Variants in PARD3 observed in about 807,000 individuals in gnomAD.
PARD3 encodes par-3 family cell polarity regulator, also known as partitioning defective 3 homolog.
In PARD3, 75 loss-of-function variants were observed where a neutral mutation model predicts 155.4. The observed-to-expected ratio is 0.48, with a 90% CI of 0.40 to 0.58. The LOEUF (loss-of-function observed/expected upper bound fraction) is 0.58, where lower values mean the gene tolerates loss of function less well. Ranked by LOEUF, PARD3 falls within the 20% of genes least tolerant of loss-of-function variation. The pLI is 0.00. For missense variants in PARD3, 1,642 were observed against 1,721.7 expected, an observed-to-expected ratio of 0.95 and a Z score of 0.82; for synonymous variants, 576 against 610.5, an observed-to-expected ratio of 0.94 and a Z score of 0.83.
intron 3 of PARD3, among the ~76,000 whole-genome samples, chr10:34,471,051 T>C (rs1168407502): frequency 6.6e-6 from 1 of 152,212 alleles, no homozygotes; most frequent in Non-Finnish European, 1.5e-5. Flanking sequence ...GCTGCTCTAC[T>C]GAAAAATTTT....
At chr10:34,413,572 T>C (rs895346887) in intron 5 of PARD3, among the ~76,000 whole-genome samples, 10 of 152,140 alleles carry the variant, frequency 6.6e-5, no homozygotes, top group Non-Finnish European at 1.5e-4. Context: ...TTATCCAGAT[T>C]CTTCTTTATC....
intron 3 of PARD3, among the ~76,000 whole-genome samples, chr10:34,471,971 C>T (rs972948019): frequency 1.3e-5 from 2 of 152,154 alleles, no homozygotes; most frequent in African/African-American, 4.8e-5. Flanking sequence ...CTTGAGGATA[C>T]CAAACAGGCT....
rs1191230978 is a variant in PARD3, at chr10:34,374,811, A to G, written c.1668+63T>C. The G allele has an allele frequency of 2.6e-6, 4 of 1,523,962 alleles. No individual in the cohort carries two copies. The Admixed American group carries it at 5.9e-5, about 23-fold the overall frequency. 94.4% of individuals were successfully genotyped at this position (1,523,962 alleles called of 1,614,324 possible). A position where few individuals can be genotyped will look rare whatever the true frequency, so the allele number is the denominator to read the frequency against. On this transcript the variant is annotated intron_variant, in intron 11 of 24. Coordinates refer to ENST00000374788, the MANE Select transcript of PARD3 (RefSeq NM_001184785.2). ...TCTCAATAAACATTTGCCATCAGGC[A>G]ACTAACCCAGACCCCTGGCTGCTGC...
In PARD3 at chr10:34,308,861, T is replaced by G. The variant is rs567477984; in HGVS notation, c.3065+8246A>C. Among the ~76,000 whole-genome samples the G allele has an allele frequency of 2.2e-4, 33 of 152,154 alleles. No individual in the cohort carries two copies. In the South Asian group the frequency reaches 6.4e-3, roughly 30 times the overall value. On this transcript the variant is annotated intron_variant, in intron 20 of 24. Transcript: ENST00000374788. ...GACTGAGCACCTGGGGCACAAGACC[T>G]GGAGGACAGAGTATGGCACAGAATT...
At chr10:34,640,911 A>G (rs2092659162) in intron 2 of PARD3, among the ~76,000 whole-genome samples, 1 of 152,002 alleles carries the variant, frequency 6.6e-6, no homozygotes, top group Admixed American at 6.6e-5. Flanking sequence ...AATGTGATAT[A>G]TTAATAAACA....
At chr10:34,647,182 C>T (rs986018224) in intron 2 of PARD3, among the ~76,000 whole-genome samples, 6 of 152,200 alleles carry the variant, frequency 3.9e-5, no homozygotes, top group African/African-American at 1.4e-4. Context: ...CATTATTCAT[C>T]CCTTCCTGTG....
intron 2 of PARD3, among the ~76,000 whole-genome samples, chr10:34,627,309 T>C (rs1208007457): frequency 2.6e-5 from 4 of 152,220 alleles, no homozygotes; most frequent in Middle Eastern, 3.2e-3. Context: ...ATTACAGGCA[T>C]GAGCCACCGT....
At chr10:34,807,641 C>T (rs569454545) in intron 1 of PARD3, among the ~76,000 whole-genome samples, 2 of 152,042 alleles carry the variant, frequency 1.3e-5, no homozygotes, top group East Asian at 3.9e-4. Context: ...CACTGATGTA[C>T]AGGTTTTGTG....
At chr10:34,134,304 C>A (rs1947772774) in intron 22 of PARD3, among the ~76,000 whole-genome samples, 1 of 152,152 alleles carries the variant, frequency 6.6e-6, no homozygotes, top group Non-Finnish European at 1.5e-5. Flanking sequence ...TCCTGGCATA[C>A]TTTATAGCTT....
At chr10:34,533,801 A>G (rs1309776368) in intron 2 of PARD3, among the ~76,000 whole-genome samples, 1 of 151,566 alleles carries the variant, frequency 6.6e-6, no homozygotes, top group African/African-American at 2.4e-5. Flanking sequence ...GCAAGACTCC[A>G]TCTAAAAAAA....
intron 22 of PARD3, among the ~76,000 whole-genome samples, chr10:34,236,705 C>G (rs759275585): frequency 7.2e-5 from 11 of 152,016 alleles, no homozygotes; most frequent in Non-Finnish European, 1.2e-4. Flanking sequence ...TCTCTTAAAC[C>G]AATGTGAAAT....
chr10:34,241,268 G>C (rs1450344202), intron 22 of PARD3, among the ~76,000 whole-genome samples: 1 of 152,194 alleles, frequency 6.6e-6, no homozygotes, highest in Non-Finnish European at 1.5e-5. Context: ...TCAAGATCCA[G>C]AGCAGGACAC....
At chr10:34,540,593 T>G (rs191673410) in intron 2 of PARD3, among the ~76,000 whole-genome samples, 9 of 152,024 alleles carry the variant, frequency 5.9e-5, no homozygotes, top group Non-Finnish European at 8.8e-5. Context: ...CAAGATACTG[T>G]CTCTACAAAA....
intron 2 of PARD3, among the ~76,000 whole-genome samples, chr10:34,689,827 T>C (rs1320598328): frequency 6.6e-6 from 1 of 152,202 alleles, no homozygotes; most frequent in Non-Finnish European, 1.5e-5. Context: ...AATCTAACAG[T>C]TAATTGTGTC....
In PARD3 at chr10:34,489,438, G is replaced by C. The variant is rs192767276; in HGVS notation, c.404-19175C>G. 1.3e-3 allele frequency among the ~76,000 whole-genome samples: 203 copies of C among 152,336 alleles called. 2 individuals carry two copies. The highest frequency in any genetic ancestry group is 4.0e-4 in the Non-Finnish European group (27 of 68,018). ...GCTTTATTTTCTACAGGGGGAGTAT[G>C]ACGGAAGCACTTTAAAAACATTCAA... On this transcript the variant is annotated intron_variant, in intron 3 of 24. Transcript: ENST00000374788.
intron 1 of PARD3, among the ~76,000 whole-genome samples, chr10:34,745,834 C>T (rs980572650): frequency 2.0e-5 from 3 of 152,178 alleles, no homozygotes; most frequent in African/African-American, 7.2e-5. Flanking sequence ...GGCGCGGTGG[C>T]TCACGCCTGT....
intron 2 of PARD3, among the ~76,000 whole-genome samples, chr10:34,624,326 C>G (rs1036936646): frequency 6.6e-6 from 1 of 152,144 alleles, no homozygotes. Context: ...CCTCATCCCA[C>G]AGCTGTGAGG....
At chr10:34,237,097 T>G (rs1953284016) in intron 22 of PARD3, among the ~76,000 whole-genome samples, 1 of 152,094 alleles carries the variant, frequency 6.6e-6, no homozygotes, top group African/African-American at 2.4e-5. Flanking sequence ...CATTGCTGGG[T>G]TGTGAGAATG....
At chr10:34,735,881 G>GT (rs1723968822) in intron 1 of PARD3, among the ~76,000 whole-genome samples, 2 of 151,966 alleles carry the variant, frequency 1.3e-5, no homozygotes, top group Admixed American at 1.3e-4. Flanking sequence ...CACTCCACTT[G>GT]TGTAATGACA....
Sources: allele counts gnomAD v4.1 joint callset (sites outside exome capture counted in the v4.1 genomes callset), GRCh38; gene constraint gnomAD v4.1.1; transcripts MANE v1.5; gene names NCBI Gene and HGNC (gene_info 2026-07-23, HGNC 2026-07-21).